Variants in TTLL6 observed in about 807,000 individuals in gnomAD.
TTLL6 encodes tubulin polyglutamylase TTLL6.
Under a neutral mutation model 96.4 loss-of-function variants are expected in TTLL6, and 75 were observed. That is an observed-to-expected ratio of 0.78 (90% CI 0.65 to 0.94). The LOEUF is 0.94. TTLL6 is among the 40% of genes least tolerant of loss of function. TTLL6 has a pLI of 0.00. For missense variants in TTLL6, 1,030 were observed against 1,093.0 expected, an observed-to-expected ratio of 0.94 and a Z score of 0.81; for synonymous variants, 411 against 419.4, an observed-to-expected ratio of 0.98 and a Z score of 0.24.
rs187249035 is a variant in TTLL6 at position 48,775,803 on chromosome 17, C to T, written c.2041-5706G>A. ...TGATCTGCCCACCTTGGCCTCCCAA[C>T]GTGCTGGGATTACAGGCGTGAGCCA... On this transcript the variant is annotated intron_variant, in intron 13 of 15. Transcript: ENST00000393382. Among the ~76,000 whole-genome samples the T allele has an allele frequency of 1.0e-3, 159 of 152,062 alleles. 3 individuals carry two copies. The highest frequency in any genetic ancestry group is 3.5e-3 in the South Asian group (17 of 4,804).
intron 12 of TTLL6, among the ~76,000 whole-genome samples, chr17:48,785,699 A>G (rs1467821281): frequency 6.6e-6 from 1 of 152,068 alleles, no homozygotes; most frequent in Non-Finnish European, 1.5e-5. Flanking sequence ...AGAGGAGGAG[A>G]GACCCAGCCA....
In TTLL6 at chr17:48,793,107, C is replaced by T. The variant is rs1315675054; in HGVS notation, c.999-1504G>A. On this transcript the variant is annotated intron_variant, in intron 8 of 15. Transcript: ENST00000393382. ...TTCCTGTCTTCTCCTTCACTGTGAC[C>T]GCAGCACTACTCCTGAGTTTGTGCG... 3.3e-5 allele frequency among the ~76,000 whole-genome samples: 5 copies of T among 152,124 alleles called. No homozygotes were observed. In the East Asian group the frequency reaches 5.8e-4, roughly 18 times the overall value.
At position 48,797,663 on chromosome 17, in the gene TTLL6, T is replaced by G. The variant is rs373647416; in HGVS notation, c.769-459A>C. On this transcript the variant is annotated intron_variant, in intron 6 of 15. Coordinates refer to ENST00000393382, the MANE Select transcript of TTLL6 (RefSeq NM_001130918.3). ...TTTGCCAGGCGCGGTGGTGGGCCCC[T>G]GTAATCCCAGCTACTCAGGAGGCTG... Among the ~76,000 whole-genome samples the G allele has an allele frequency of 5.3e-5, 8 of 151,980 alleles. No individual in the cohort carries two copies. In the East Asian group the frequency reaches 1.2e-3, roughly 22 times the overall value.
chr17:48,789,987 C>T lies in TTLL6; in HGVS notation c.1344G>A (p.Leu448=), dbSNP rs371747543. The T allele has an allele frequency of 5.0e-6, 8 of 1,614,078 alleles. No homozygotes were observed. In the African/African-American group the frequency reaches 1.1e-4, roughly 22 times the overall value. The change falls in exon 10 of 16, where the codon TTG becomes TTA. Residue 448 remains leucine, a synonymous_variant. Transcript: ENST00000393382. ...NLESCDKKKV[L]EEERQRGQFL... Reference sequence around the variant, plus strand: ...ACTGCCCCCGTTGTCTCTCCTCCTCCAAGACTTTCTTCTTGTCACAGCTTT... The same window carrying T: ...ACTGCCCCCGTTGTCTCTCCTCCTCTAAGACTTTCTTCTTGTCACAGCTTT...
At chr17:48,805,014 C>A in intron 1 of TTLL6, 23 bp from the exon 2 acceptor site, 37 of 1,536,752 alleles carry the variant, frequency 2.4e-5, no homozygotes, top group Non-Finnish European at 3.3e-5. Flanking sequence ...CAGAGGGAGC[C>A]GCAGTTACAG....
chr17:48,812,076 A>AC (rs776732380), intron 1 of TTLL6: 2 of 22,612 alleles, frequency 8.8e-5, no homozygotes, highest in Non-Finnish European at 8.9e-5. Flanking sequence ...CCCCCCCCCC[A>AC]CCCCCCGCTC....
chr17:48,816,967 TA>T lies in TTLL6; in HGVS notation c.103+2del. The T allele has an allele frequency of 6.5e-7, 1 of 1,530,778 alleles. No individual in the cohort carries two copies. The allele number at this position is 1,530,778 out of a possible 1,614,324, so 94.8% of individuals were successfully genotyped here. ...CCAGCACCGGGCTTTGGGGCGCTCT[TA>T]CCCGCAATTCCTACTCCCCCGTCTC... On this transcript the variant is annotated splice_donor_variant, in intron 1 of 15. Coordinates refer to ENST00000393382, the MANE Select transcript of TTLL6 (RefSeq NM_001130918.3). LOFTEE classifies it high-confidence loss of function.
intron 15 of TTLL6, among the ~76,000 whole-genome samples, chr17:48,764,190 C>T (rs930017583): frequency 1.3e-5 from 2 of 152,026 alleles, no homozygotes; most frequent in Admixed American, 6.6e-5. Flanking sequence ...GAATTCAACT[C>T]TTATACAGAT....
At chr17:48,772,875 T>C (rs982832661) in intron 13 of TTLL6, among the ~76,000 whole-genome samples, 1 of 152,010 alleles carries the variant, frequency 6.6e-6, no homozygotes, top group South Asian at 2.1e-4. Flanking sequence ...CATGGTGGCA[T>C]GCACCTGTGT....
rs768295057 is a variant in TTLL6, at chr17:48,769,820, A to T, written c.2318T>A (p.Ile773Lys). Residue 773 changes from isoleucine to lysine, a missense_variant, in exon 14 of 16, where the codon ATA becomes AAA. Coordinates refer to ENST00000393382, the MANE Select transcript of TTLL6 (RefSeq NM_001130918.3). Reference sequence around the variant, plus strand: ...TTGAAGCTTGGTGAGTAGCTCGGATATCAAATGTGGCTTGTTCATGTCACT... The same window carrying T: ...TTGAAGCTTGGTGAGTAGCTCGGATTTCAAATGTGGCTTGTTCATGTCACT... ...LKSDMNKPHLISELLTKLQLS... is the reference protein window; with the variant it reads ...LKSDMNKPHLKSELLTKLQLS... 1.9e-6 allele frequency: 3 copies of T among 1,614,262 alleles called. No individual in the cohort carries two copies. Among genetic ancestry groups the T allele is most frequent in the Non-Finnish European group, 2.5e-6 (3 of 1,180,046 alleles).
At chr17:48,789,845 C>G (rs1279651089) in intron 10 of TTLL6, 86 bp downstream of exon 10, 27 of 1,442,454 alleles carry the variant, frequency 1.9e-5, no homozygotes, top group African/African-American at 2.8e-5. Flanking sequence ...GTGTGAGCCA[C>G]TGCACCCGGC....
chr17:48,789,717 G>T (rs2039180619), intron 10 of TTLL6, among the ~76,000 whole-genome samples: 2 of 152,134 alleles, frequency 1.3e-5, no homozygotes, highest in Admixed American at 6.6e-5. Flanking sequence ...ACCATACCCG[G>T]CTAATTTTTT....
At chr17:48,798,087 G>A (rs1259169696) in intron 6 of TTLL6, among the ~76,000 whole-genome samples, 6 of 151,492 alleles carry the variant, frequency 4.0e-5, no homozygotes, top group Admixed American at 2.6e-4. Context: ...CAGCCTGGGT[G>A]ACAGAGTGAG....
intron 6 of TTLL6, among the ~76,000 whole-genome samples, chr17:48,798,847 G>T (rs1367983607): frequency 7.1e-6 from 1 of 141,524 alleles, no homozygotes; most frequent in African/African-American, 2.7e-5. Flanking sequence ...TTGAGACAGG[G>T]TCTCCAGGGT....
At chr17:48,763,141 C>T (rs556047663) in intron 15 of TTLL6, among the ~76,000 whole-genome samples, 168 bp from the exon 16 acceptor site, 38 of 149,286 alleles carry the variant, frequency 2.5e-4, no homozygotes, top group Non-Finnish European at 4.5e-4. Context: ...ATTCATCTTC[C>T]TGTAGCCTTC....
chr17:48,784,869 G>T, intron 13 of TTLL6, 54 bp downstream of exon 13: 2 of 1,495,680 alleles, frequency 1.3e-6, no homozygotes, highest in Non-Finnish European at 1.8e-6. Flanking sequence ...GTAGAGAAAG[G>T]ACCAGTAAGC....
intron 1 of TTLL6, among the ~76,000 whole-genome samples, chr17:48,812,554 C>A (rs2039611740): frequency 6.6e-6 from 1 of 152,176 alleles, no homozygotes; most frequent in African/African-American, 2.4e-5. Flanking sequence ...AATGAGTTTA[C>A]TCATTTGACT....
At chr17:48,811,531 C>T (rs2039592221) in intron 1 of TTLL6, among the ~76,000 whole-genome samples, 1 of 151,992 alleles carries the variant, frequency 6.6e-6, no homozygotes, top group Admixed American at 6.6e-5. Context: ...GTGCCCAGCT[C>T]AAGAGAGGTG....
chr17:48,810,841 A>AGTATG (rs1331631307), intron 1 of TTLL6, among the ~76,000 whole-genome samples: 1 of 134,414 alleles, frequency 7.4e-6, no homozygotes, highest in Admixed American at 7.8e-5. Context: ...ATATATATAT[A>AGTATG]TATATATATA....
Sources: gnomAD v4.1 joint callset for allele counts (sites outside exome capture counted in the v4.1 genomes callset) on GRCh38, gnomAD v4.1.1 for gene constraint, MANE v1.5 for transcripts, NCBI Gene and HGNC (gene_info 2026-07-23, HGNC 2026-07-21) for gene names.